ZFHX3: variants seen among roughly 807,000 people sequenced by gnomAD.
ZFHX3 encodes zinc finger homeobox 3.
Under a neutral mutation model 279.1 loss-of-function variants are expected in ZFHX3, and 42 were observed. The ratio of observed to expected loss-of-function variants is 0.15; its 90% CI spans 0.12 to 0.19. The LOEUF is 0.19. Among genes scored for constraint, ZFHX3 ranks in the 10% least tolerant of loss-of-function variants. ZFHX3 has a pLI of 1.00. For synonymous variants in ZFHX3, 2,293 were observed against 1,957.8 expected, an observed-to-expected ratio of 1.17 and a Z score of -4.52; for missense variants, 4,981 against 4,754.0, an observed-to-expected ratio of 1.05 and a Z score of -1.40.
chr16:73,178,338 C>T (rs1184363008), intron 5 of ZFHX3, among the ~76,000 whole-genome samples: 1 of 152,008 alleles, frequency 6.6e-6, no homozygotes, highest in East Asian at 1.9e-4. Context: ...GGGGTTTGAC[C>T]ATGTTGACCA....
At chr16:73,737,901 C>A (rs1197269092) in intron 1 of ZFHX3, among the ~76,000 whole-genome samples, 1 of 152,068 alleles carries the variant, frequency 6.6e-6, no homozygotes, top group East Asian at 1.9e-4. Flanking sequence ...AGGCTGTCAA[C>A]AAGTTGAATA....
chr16:73,053,872 G>A (rs1415153240), intron 1 of ZFHX3, among the ~76,000 whole-genome samples: 1 of 152,154 alleles, frequency 6.6e-6, no homozygotes, highest in Non-Finnish European at 1.5e-5. Context: ...CAAAGTGAAG[G>A]ACCTGTTTAC....
At chr16:72,933,601 C>T (rs1040838338) in intron 3 of ZFHX3, among the ~76,000 whole-genome samples, 1 of 152,100 alleles carries the variant, frequency 6.6e-6, no homozygotes, top group Non-Finnish European at 1.5e-5. Context: ...ATCTTTTATT[C>T]ATTCCAAAGT....
chr16:73,856,445 G>A (rs1961729656), intron 1 of ZFHX3, among the ~76,000 whole-genome samples: 1 of 152,016 alleles, frequency 6.6e-6, no homozygotes, highest in Non-Finnish European at 1.5e-5. Flanking sequence ...TGGCAAGGGG[G>A]AAAAAAATTC....
At position 73,551,901 on chromosome 16, in the gene ZFHX3, G is replaced by T. The variant is rs186245053; in HGVS notation, c.-1546-95643C>A. ...TCTTTCCATGTGCTATTAATATTGT[G>T]TGTATAATGCATACATATAAACAAG... is the stretch of plus-strand genomic sequence containing the variant. On this transcript the variant is annotated intron_variant, in intron 2 of 17. Coordinates refer to the ZFHX3 transcript ENST00000641206. 3.3e-4 allele frequency among the ~76,000 whole-genome samples: 50 copies of T among 152,268 alleles called. No individual in the cohort carries two copies. The East Asian group carries it at 9.3e-3, about 28-fold the overall frequency.
intron 4 of ZFHX3, among the ~76,000 whole-genome samples, chr16:72,861,939 C>T (rs578083327): frequency 1.4e-4 from 22 of 152,190 alleles, no homozygotes; most frequent in East Asian, 5.8e-4. Flanking sequence ...TGCTTGAACC[C>T]GGGAGGCAGA....
chr16:73,490,485 A>C (rs747741197), intron 2 of ZFHX3, among the ~76,000 whole-genome samples: 1 of 152,188 alleles, frequency 6.6e-6, no homozygotes, highest in Non-Finnish European at 1.5e-5. Context: ...TTGAATTGCT[A>C]TGTTACGTAA....
intron 5 of ZFHX3, among the ~76,000 whole-genome samples, chr16:73,199,078 G>A (rs1968215435): frequency 1.3e-5 from 2 of 152,220 alleles, no homozygotes; most frequent in Non-Finnish European, 2.9e-5. Context: ...TACCTTCCAG[G>A]TGTATATTTC....
chr16:73,480,752 T>C (rs763299609), intron 2 of ZFHX3, among the ~76,000 whole-genome samples: 2 of 152,194 alleles, frequency 1.3e-5, no homozygotes, highest in Non-Finnish European at 2.9e-5. Flanking sequence ...TCAGTAGCTG[T>C]TGCTGAGGCC....
chr16:72,892,597 T>C (rs1436063057), intron 3 of ZFHX3, among the ~76,000 whole-genome samples: 1 of 151,614 alleles, frequency 6.6e-6, no homozygotes, highest in Admixed American at 6.6e-5. Flanking sequence ...AACCTCTGCC[T>C]CCTGGATTCA....
At chr16:73,520,701 A>C (rs1223401525) in intron 2 of ZFHX3, among the ~76,000 whole-genome samples, 1 of 152,240 alleles carries the variant, frequency 6.6e-6, no homozygotes, top group Non-Finnish European at 1.5e-5. Context: ...GAATAAACCA[A>C]GTCACCTATG....
chr16:73,653,265 A>G (rs1184024110), intron 2 of ZFHX3, among the ~76,000 whole-genome samples: 3 of 152,200 alleles, frequency 2.0e-5, no homozygotes, highest in African/African-American at 4.8e-5. Context: ...GGAACATTAT[A>G]CTCAGCAACT....
chr16:73,328,430 G>A (rs1270439636), intron 3 of ZFHX3, among the ~76,000 whole-genome samples: 5 of 152,176 alleles, frequency 3.3e-5, no homozygotes, highest in Admixed American at 3.3e-4. Flanking sequence ...ATTTTTGAGA[G>A]TCTAAGACGG....
chr16:72,972,173 G>A (rs1429250915), intron 1 of ZFHX3, among the ~76,000 whole-genome samples: 1 of 152,186 alleles, frequency 6.6e-6, no homozygotes, highest in Non-Finnish European at 1.5e-5. Flanking sequence ...GATTACAGGT[G>A]TGAGCATTCA....
At chr16:73,180,348 TA>T (rs541170146) in intron 5 of ZFHX3, among the ~76,000 whole-genome samples, 94 of 152,296 alleles carry the variant, frequency 6.2e-4, no homozygotes, top group Non-Finnish European at 9.3e-4. Context: ...ATTTTATTAT[TA>T]TTTTTTTGCC....
At chr16:73,201,915 T>C (rs776648518) in intron 5 of ZFHX3, among the ~76,000 whole-genome samples, 3 of 152,208 alleles carry the variant, frequency 2.0e-5, no homozygotes, top group Admixed American at 6.5e-5. Flanking sequence ...TACATATTGA[T>C]GAATGAAAGC....
chr16:73,552,475 G>GT (rs1212167617), intron 2 of ZFHX3, among the ~76,000 whole-genome samples: 3 of 152,140 alleles, frequency 2.0e-5, no homozygotes, highest in Admixed American at 6.5e-5. Flanking sequence ...CTCAAAAGGT[G>GT]TAAGACATAG....
In ZFHX3 at chr16:72,798,094, CT is replaced by C. The variant is rs2143461853; in HGVS notation, c.4587del (p.Gly1530ValfsTer10). On this transcript the variant is annotated frameshift_variant, in exon 9 of 10. Transcript: ENST00000268489. LOFTEE classifies it high-confidence loss of function. ...AACTTTTCCATAGTAAAATTGGGACCTTTTCTGAAAGGCAGAGCTCTCTTTG... is the reference window on the plus strand; with the variant it reads ...AACTTTTCCATAGTAAAATTGGGACCTTTCTGAAAGGCAGAGCTCTCTTTG... ...SEPKRALPFR[K>X]GPNFTMEKFL... The C allele has an allele frequency of 6.2e-7, 1 of 1,614,192 alleles. No individual in the cohort carries two copies. Among genetic ancestry groups the C allele is most frequent in the Non-Finnish European group, 8.5e-7 (1 of 1,180,022 alleles).
At chr16:73,271,750 G>A (rs933806386) in intron 4 of ZFHX3, among the ~76,000 whole-genome samples, 11 of 152,258 alleles carry the variant, frequency 7.2e-5, no homozygotes, top group South Asian at 2.1e-4. Flanking sequence ...ACACCTACCC[G>A]TCTTCTGGTC....
Sources: gnomAD v4.1 joint callset for allele counts (sites outside exome capture counted in the v4.1 genomes callset) on GRCh38, gnomAD v4.1.1 for gene constraint, MANE v1.5 for transcripts, NCBI Gene and HGNC (gene_info 2026-07-23, HGNC 2026-07-21) for gene names.